UBQLN1: variants seen among roughly 807,000 people sequenced by gnomAD.
UBQLN1 encodes ubiquilin-1.
Under a neutral mutation model 65.4 loss-of-function variants are expected in UBQLN1, and 13 were observed. The ratio of observed to expected loss-of-function variants is 0.20; its 90% CI spans 0.13 to 0.32. The LOEUF is 0.32. Among genes scored for constraint, UBQLN1 ranks in the 10% least tolerant of loss-of-function variants. UBQLN1 has a pLI of 1.00. For synonymous variants in UBQLN1, 267 were observed against 247.8 expected (o/e 1.08, Z -0.73); for missense variants, 561 against 724.0 (o/e 0.77, Z 2.58).
rs1564176522 is a variant in UBQLN1 at position 83,707,735 on chromosome 9, A to G, written c.-56T>C. The G allele has an allele frequency of 3.3e-6, 5 of 1,501,972 alleles. No homozygotes were observed. Among genetic ancestry groups the G allele is most frequent in the East Asian group, 5.0e-5 (2 of 39,650 alleles). 93.0% of individuals were successfully genotyped at this position (1,501,972 alleles called of 1,614,324 possible). ...GGCAAGCAGGAGGGAGCAGGCGAGC[A>G]AGGAGGAGCCAGCAGACACCAGAGC... On this transcript the variant is annotated 5_prime_UTR_variant, in exon 1 of 11. Transcript: ENST00000376395.
chr9:83,682,150 T>A (rs760201921), intron 3 of UBQLN1, among the ~76,000 whole-genome samples: 3 of 152,050 alleles, frequency 2.0e-5, no homozygotes, highest in Non-Finnish European at 4.4e-5. Context: ...CCGGGCGTAG[T>A]GGCACACTCC....
chr9:83,687,885 T>G (rs1161359769), intron 1 of UBQLN1, among the ~76,000 whole-genome samples: 1 of 152,214 alleles, frequency 6.6e-6, no homozygotes, highest in Non-Finnish European at 1.5e-5. Context: ...TATACTTCAG[T>G]AAATATTTTG....
intron 3 of UBQLN1, among the ~76,000 whole-genome samples, chr9:83,680,581 G>C (rs1054145831): frequency 2.6e-5 from 4 of 152,110 alleles, no homozygotes; most frequent in African/African-American, 7.2e-5. Context: ...AAGCACATCT[G>C]AGTGTTAGGA....
chr9:83,705,881 A>C (rs1832395622), intron 1 of UBQLN1, among the ~76,000 whole-genome samples: 1 of 149,812 alleles, frequency 6.7e-6, no homozygotes, highest in South Asian at 2.2e-4. Flanking sequence ...TATAGGCTCT[A>C]TGGGATCCCA....
In UBQLN1 at chr9:83,661,281, T is replaced by C. The variant is rs1831557421; in HGVS notation, c.*506A>G. 1 of 154,362 alleles carries C rather than the reference T, an allele frequency of 6.5e-6. No homozygotes were observed. The highest frequency in any genetic ancestry group is 2.4e-5 in the African/African-American group (1 of 41,454). 9.6% of individuals were successfully genotyped at this position (154,362 alleles called of 1,614,324 possible). On this transcript the variant is annotated 3_prime_UTR_variant, in exon 11 of 11. Transcript: ENST00000376395. ...GCCTATTGCAGTATGTTTCCAGAAA[T>C]GCAGTCCCAAATGTGCATACTCTAT...
intron 1 of UBQLN1, among the ~76,000 whole-genome samples, chr9:83,698,332 ACTAG>A (rs1204731169): frequency 6.6e-6 from 1 of 152,234 alleles, no homozygotes; most frequent in Non-Finnish European, 1.5e-5. Context: ...TTCAGCAGTC[ACTAG>A]CTACATATGG....
At chr9:83,686,311 G>A (rs922992630) in intron 1 of UBQLN1, among the ~76,000 whole-genome samples, 156 bp from the exon 2 acceptor site, 2 of 152,138 alleles carry the variant, frequency 1.3e-5, no homozygotes, top group African/African-American at 4.8e-5. Context: ...AGGACTGCCT[G>A]AGTCCAGGAG....
chr9:83,696,726 G>A (rs926023033), intron 1 of UBQLN1, among the ~76,000 whole-genome samples: 2 of 152,018 alleles, frequency 1.3e-5, no homozygotes, highest in Admixed American at 6.5e-5. Flanking sequence ...ATAAATACTT[G>A]TCTACTCAGT....
At chr9:83,662,050 C>T (rs1831567398) in intron 10 of UBQLN1, 111 bp from the exon 11 acceptor site, 2 of 949,976 alleles carry the variant, frequency 2.1e-6, no homozygotes, top group Non-Finnish European at 3.0e-6. Flanking sequence ...ATCTACTGAG[C>T]TTTAAAAACA....
At chr9:83,670,373 TTTAAC>T (rs1361902857) in intron 6 of UBQLN1, among the ~76,000 whole-genome samples, 1 of 152,062 alleles carries the variant, frequency 6.6e-6, no homozygotes, top group African/African-American at 2.4e-5. Flanking sequence ...TGTTGTAAAT[TTTAAC>T]TTAGTTTTTT....
intron 7 of UBQLN1, chr9:83,668,272 G>A: frequency 2.0e-6 from 2 of 984,534 alleles, no homozygotes; most frequent in Non-Finnish European, 2.4e-6. Context: ...AATCAATATA[G>A]TTTTAGAATT....
chr9:83,686,520 G>A (rs985758377), intron 1 of UBQLN1, among the ~76,000 whole-genome samples: 3 of 152,140 alleles, frequency 2.0e-5, no homozygotes, highest in African/African-American at 7.2e-5. Context: ...CCTACTATAG[G>A]TGCACATATC....
At position 83,661,590 on chromosome 9, in the gene UBQLN1, T is replaced by G. The variant is rs1831561790; in HGVS notation, c.*197A>C. On this transcript the variant is annotated 3_prime_UTR_variant, in exon 11 of 11. Transcript: ENST00000376395. ...GCAGAAGTGATGCATGCAGTAGCCT[T>G]AATTCCCACTGTTCCAGAAAAGAAA... is the stretch of plus-strand genomic sequence containing the variant. 2 of 505,822 alleles carry G rather than the reference T, an allele frequency of 4.0e-6. No homozygotes were observed. The highest frequency in any genetic ancestry group is 6.6e-6 in the Non-Finnish European group (2 of 300,874). The allele number at this position is 505,822 out of a possible 1,614,324, so 31.3% of individuals were successfully genotyped here.
At chr9:83,684,562 A>G (rs970183643) in intron 2 of UBQLN1, among the ~76,000 whole-genome samples, 3 of 152,176 alleles carry the variant, frequency 2.0e-5, no homozygotes, top group African/African-American at 7.2e-5. Context: ...CTGTAATCCC[A>G]GCACTTTGGG....
intron 2 of UBQLN1, among the ~76,000 whole-genome samples, chr9:83,685,227 T>C (rs1335943433): frequency 6.6e-6 from 1 of 152,202 alleles, no homozygotes; most frequent in Non-Finnish European, 1.5e-5. Flanking sequence ...GGAGTGTTAA[T>C]GGCTTGGAAC....
chr9:83,684,810 CAA>C (rs199680794), intron 2 of UBQLN1, among the ~76,000 whole-genome samples: 19 of 64,164 alleles, frequency 3.0e-4, no homozygotes, highest in South Asian at 5.3e-4. Context: ...AATTCCGTCT[CAA>C]AAAAAAAAAA....
chr9:83,685,607 C>G (rs936232764), intron 2 of UBQLN1, among the ~76,000 whole-genome samples: 2 of 141,060 alleles, frequency 1.4e-5, no homozygotes, highest in African/African-American at 5.5e-5. Context: ...TGGCATGACT[C>G]TGTCTCTTAA....
rs1328722762 is a variant in UBQLN1 at position 83,686,252 on chromosome 9, G to A, written c.181-97C>T. 2.2e-5 allele frequency: 17 copies of A among 774,550 alleles called. No individual in the cohort carries two copies. In the South Asian group the frequency reaches 2.2e-4, roughly 10 times the overall value. The allele number at this position is 774,550 out of a possible 1,614,324, so 48.0% of individuals were successfully genotyped here. A position where few individuals can be genotyped will look rare whatever the true frequency, so the allele number is the denominator to read the frequency against. On this transcript the variant is annotated intron_variant, in intron 1 of 10. Coordinates refer to ENST00000376395, the MANE Select transcript of UBQLN1 (RefSeq NM_013438.5). ...CCTCATAGAGGCCCCTACTACAGAC[G>A]CTACAATTCAAACACCATAATCCCA...
intron 8 of UBQLN1, among the ~76,000 whole-genome samples, chr9:83,665,983 T>C (rs115700871): frequency 6.6e-6 from 1 of 152,304 alleles, no homozygotes; most frequent in African/African-American, 2.4e-5. Context: ...TAGAATAGGG[T>C]AGCTCTTTCC....
Sources: allele counts gnomAD v4.1 joint callset (sites outside exome capture counted in the v4.1 genomes callset), GRCh38; gene constraint gnomAD v4.1.1; transcripts MANE v1.5; gene names NCBI Gene and HGNC (gene_info 2026-07-23, HGNC 2026-07-21).